NMUR2: variants seen among roughly 807,000 people sequenced by gnomAD.
NMUR2 encodes the protein neuromedin U receptor 2.
Under a neutral mutation model 25.1 loss-of-function variants are expected in NMUR2, and 24 were observed. That is an observed-to-expected ratio of 0.96 (90% CI 0.69 to 1.34). NMUR2 has a LOEUF of 1.34. Among genes scored for constraint, NMUR2 ranks in the 40% most tolerant of loss-of-function variants. NMUR2 has a pLI of 0.00. For synonymous variants in NMUR2, 218 were observed against 208.1 expected (o/e 1.05, Z -0.41); for missense variants, 533 against 512.8 (o/e 1.04, Z -0.38).
At chr5:152,396,293 A>G (rs1473226622) in intron 2 of NMUR2, among the ~76,000 whole-genome samples, 3 of 151,974 alleles carry the variant, frequency 2.0e-5, no homozygotes, top group Non-Finnish European at 2.9e-5. Flanking sequence ...GGATTCGCCT[A>G]AAGATAATCT....
rs1021597848 is a variant in NMUR2 at position 152,392,063 on chromosome 5, A to C, written c.*128T>G. The C allele has an allele frequency of 3.4e-5, 27 of 789,244 alleles. No homozygotes were observed. Among genetic ancestry groups the C allele is most frequent in the Middle Eastern group, 3.8e-4 (1 of 2,608 alleles). The allele number at this position is 789,244 out of a possible 1,614,324, so 48.9% of individuals were successfully genotyped here. A position where few individuals can be genotyped will look rare whatever the true frequency, so the allele number is the denominator to read the frequency against. ...GTTTTCACGTTTATTAAAAAAAAAAAAACTAGCAATGGGTACATGAGTTGT... is the reference window on the plus strand; with the variant it reads ...GTTTTCACGTTTATTAAAAAAAAAACAACTAGCAATGGGTACATGAGTTGT... On this transcript the variant is annotated 3_prime_UTR_variant, in exon 4 of 4. Coordinates refer to ENST00000255262, the MANE Select transcript of NMUR2 (RefSeq NM_020167.5).
At chr5:152,398,308 A>G (rs1173628097) in intron 1 of NMUR2, among the ~76,000 whole-genome samples, 164 bp from the exon 2 acceptor site, 1 of 152,200 alleles carries the variant, frequency 6.6e-6, no homozygotes, top group East Asian at 1.9e-4. Context: ...TGAAGGTGGA[A>G]TTGGATTCAG....
In NMUR2 at chr5:152,395,324, G is replaced by T. The variant is rs779105743; in HGVS notation, c.937+135C>A. ...AAACATAATCAATCTCTGAATAAAA[G>T]AAAAATCAAATGTCTTCATTATAGC... is the stretch of plus-strand genomic sequence containing the variant. On this transcript the variant is annotated intron_variant, in intron 3 of 3. Coordinates refer to ENST00000255262, the MANE Select transcript of NMUR2 (RefSeq NM_020167.5). 7 of 987,758 alleles carry T rather than the reference G, an allele frequency of 7.1e-6. No individual in the cohort carries two copies. The Admixed American group carries it at 1.8e-4, about 25-fold the overall frequency. The allele number at this position is 987,758 out of a possible 1,614,324, so 61.2% of individuals were successfully genotyped here. A position where few individuals can be genotyped will look rare whatever the true frequency, so the allele number is the denominator to read the frequency against.
chr5:152,395,570 C>T lies in NMUR2; in HGVS notation c.826G>A (p.Val276Met), dbSNP rs745847796. 1.2e-6 allele frequency: 2 copies of T among 1,613,324 alleles called. No individual in the cohort carries two copies. Among genetic ancestry groups the T allele is most frequent in the African/African-American group, 2.7e-5 (2 of 74,778 alleles). Residue 276 changes from valine to methionine, a missense_variant, in exon 3 of 4, where the codon GTG (valine) becomes ATG (methionine). Val to Met is a conservative substitution (Grantham distance 21, BLOSUM62 1). Coordinates refer to ENST00000255262, the MANE Select transcript of NMUR2 (RefSeq NM_020167.5). ...VNKMLFVLVL[V>M]FAICWAPFHI... ...AACGGGGCCCAACAGATAGCAAACA[C>T]TAAGACCAAGACAACTGAAAATGGA...
chr5:152,395,376 G>C, intron 3 of NMUR2, 83 bp downstream of exon 3: 2 of 1,472,760 alleles, frequency 1.4e-6, no homozygotes, highest in South Asian at 2.4e-5. Context: ...ATAAATTGGA[G>C]TACTTAGGCA....
intron 2 of NMUR2, among the ~76,000 whole-genome samples, chr5:152,396,063 A>G (rs913026085): frequency 2.6e-5 from 4 of 152,090 alleles, no homozygotes; most frequent in African/African-American, 9.7e-5. Flanking sequence ...GAATCTTTTG[A>G]TTGGAAGGGG....
intron 2 of NMUR2, among the ~76,000 whole-genome samples, chr5:152,397,516 T>C (rs1753176782): frequency 6.6e-6 from 1 of 152,128 alleles, no homozygotes; most frequent in Non-Finnish European, 1.5e-5. Flanking sequence ...AAAGATCCCA[T>C]GGAGTCTATG....
rs778545109 is a variant in NMUR2, at chr5:152,404,440, T to C, written c.674A>G (p.Tyr225Cys). ...ACTGATGACAGTCATGGGGAGGAGG[T>C]AGAATAGGAAGGAGGTGACCTGGAT... ...FIIQVTSFLF[Y>C]LLPMTVISVL... Residue 225 changes from tyrosine (Y) to cysteine (C), a missense_variant, in exon 1 of 4, where the codon TAC (tyrosine) becomes TGC (cysteine). Transcript: ENST00000255262. 7 of 1,613,124 alleles carry C rather than the reference T, an allele frequency of 4.3e-6. No individual in the cohort carries two copies. The highest frequency in any genetic ancestry group is 5.9e-6 in the Non-Finnish European group (7 of 1,179,772).
At position 152,398,085 on chromosome 5, in the gene NMUR2, G is replaced by T. The variant is rs764245339; in HGVS notation, c.786C>A (p.Cys262Ter). The change falls in exon 2 of 4, where the codon TGC becomes TGA. Residue 262 changes from cysteine (C) to a stop codon, truncating the protein, a stop_gained. Coordinates refer to ENST00000255262, the MANE Select transcript of NMUR2 (RefSeq NM_020167.5). LOFTEE classifies it high-confidence loss of function. ...DEGNANIQRP[C>*]RKSVNKMLFV... Reference sequence around the variant, plus strand: ...ACAGCATCTTGTTGACTGATTTTCTGCAGGGTCTTTGAATATTTGCATTCC... The same window carrying T: ...ACAGCATCTTGTTGACTGATTTTCTTCAGGGTCTTTGAATATTTGCATTCC... 1.9e-6 allele frequency: 3 copies of T among 1,613,196 alleles called. No individual in the cohort carries two copies. The highest frequency in any genetic ancestry group is 2.5e-6 in the Non-Finnish European group (3 of 1,179,430).
rs146016179 is a variant in NMUR2 at position 152,392,334 on chromosome 5, A to T, written c.1105T>A (p.Cys369Ser). The change falls in exon 4 of 4, where the codon TGC (cysteine) becomes AGC (serine). Residue 369 changes from cysteine to serine, a missense_variant. Transcript: ENST00000255262. ...TCTTCGGTCAGCTCCACAAAGTGGC[A>T]TTCTGTCAGGAAGATGTTCCGCTGG... ...PAQRNIFLTE[C>S]HFVELTEDIG... 162 of 1,614,064 alleles carry T rather than the reference A, an allele frequency of 1.0e-4. 1 individual carries two copies. The African/African-American group carries it at 2.1e-3, about 20-fold the overall frequency.
rs199695965 is a variant in NMUR2 at position 152,392,441 on chromosome 5, C to T, written c.998G>A (p.Arg333His). The T allele has an allele frequency of 4.4e-5, 71 of 1,613,932 alleles. No homozygotes were observed. The highest frequency in any genetic ancestry group is 3.3e-4 in the Middle Eastern group (2 of 6,062). The change falls in exon 4 of 4, where the codon CGC becomes CAC. Residue 333 changes from arginine (R) to histidine (H), a missense_variant. By Grantham distance (29) the Arg-to-His change is conservative. Coordinates refer to ENST00000255262, the MANE Select transcript of NMUR2 (RefSeq NM_020167.5). ...CACATTCTGGAATGCTGCCTGGAAG[C>T]GGCGAGACAGTAGGTTATAGATAAT... ...NPIIYNLLSR[R>H]FQAAFQNVIS...
rs764685148 is a variant in NMUR2, at chr5:152,392,450, A to T, written c.989T>A (p.Leu330Gln). 1 of 1,614,070 alleles carries T rather than the reference A, an allele frequency of 6.2e-7. No homozygotes were observed. Among genetic ancestry groups the T allele is most frequent in the Non-Finnish European group, 8.5e-7 (1 of 1,179,942 alleles). Reference protein sequence around the residue: ...SAVNPIIYNLLSRRFQAAFQN... With the variant: ...SAVNPIIYNLQSRRFQAAFQN... The stretch of plus-strand genomic sequence containing the variant: ...GAATGCTGCCTGGAAGCGGCGAGAC[A>T]GTAGGTTATAGATAATGGGGTTGAC... Residue 330 changes from leucine to glutamine, a missense_variant, in exon 4 of 4, where the codon CTG becomes CAG. Physicochemically the swap from Leu to Gln is moderately radical, Grantham distance 113. Transcript: ENST00000255262.
Position 152,392,161 on chromosome 5 carries a change from G to C in NMUR2, c.*30C>G. Reference sequence around the variant, plus strand: ...GGGATGTTCCTCTCTGAAGTTTTGAGGCATAGAGGAGAGTCAGCTCTGAAA... The same window carrying C: ...GGGATGTTCCTCTCTGAAGTTTTGACGCATAGAGGAGAGTCAGCTCTGAAA... On this transcript the variant is annotated 3_prime_UTR_variant, in exon 4 of 4. Transcript: ENST00000255262. 3 of 1,560,260 alleles carry C rather than the reference G, an allele frequency of 1.9e-6. No homozygotes were observed. Among genetic ancestry groups the C allele is most frequent in the Non-Finnish European group, 8.7e-7 (1 of 1,143,976 alleles).
intron 3 of NMUR2, 73 bp downstream of exon 3, chr5:152,395,386 A>T: frequency 6.4e-7 from 1 of 1,567,702 alleles, no homozygotes. Flanking sequence ...GTACTTAGGC[A>T]TCTAAGCAAG....
intron 2 of NMUR2, 53 bp from the exon 3 acceptor site, chr5:152,395,637 T>C: frequency 6.3e-7 from 1 of 1,591,772 alleles, no homozygotes; most frequent in Non-Finnish European, 8.6e-7. Flanking sequence ...CAAGGATAGG[T>C]ATACAATGCT....
chr5:152,403,222 T>G (rs372790352), intron 1 of NMUR2, among the ~76,000 whole-genome samples: 40 of 152,316 alleles, frequency 2.6e-4, no homozygotes, highest in African/African-American at 9.1e-4. Flanking sequence ...CTTTTCATTT[T>G]ATACACGGGA....
intron 1 of NMUR2, among the ~76,000 whole-genome samples, chr5:152,398,431 A>T (rs1389016870): frequency 6.6e-6 from 1 of 152,212 alleles, no homozygotes; most frequent in African/African-American, 2.4e-5. Context: ...TTCCATGAAA[A>T]ATGTAAAATT....
At chr5:152,402,441 C>T (rs958288746) in intron 1 of NMUR2, among the ~76,000 whole-genome samples, 36 of 152,124 alleles carry the variant, frequency 2.4e-4, no homozygotes, top group African/African-American at 8.7e-4. Context: ...GATAACAGCT[C>T]ATCCTTCCTG....
At position 152,404,754 on chromosome 5, in the gene NMUR2, G is replaced by T; in HGVS notation, c.360C>A (p.Tyr120Ter). The T allele has an allele frequency of 6.2e-7, 1 of 1,614,170 alleles. No homozygotes were observed. Among genetic ancestry groups the T allele is most frequent in the South Asian group, 1.1e-5 (1 of 91,072 alleles). Residue 120 changes from tyrosine (Y) to a stop codon, truncating the protein, a stop_gained, in exon 1 of 4, where the codon TAC becomes TAA. Coordinates refer to ENST00000255262, the MANE Select transcript of NMUR2 (RefSeq NM_020167.5). LOFTEE classifies it high-confidence loss of function. ...CGGTCTCAAAGAGGGCCGTCTTGAA[G>T]TAGCAGCCCACGGGCCCGAACAAGA... ...YPFLFGPVGC[Y>*]FKTALFETVC...
Sources: gnomAD v4.1 joint callset for allele counts (sites outside exome capture counted in the v4.1 genomes callset) on GRCh38, gnomAD v4.1.1 for gene constraint, MANE v1.5 for transcripts, NCBI Gene and HGNC (gene_info 2026-07-23, HGNC 2026-07-21) for gene names.